The following CRYBG1 variants were observed in gnomAD, a reference collection of about 807,000 sequenced individuals.
CRYBG1 encodes crystallin beta-gamma domain containing 1.
Under a neutral mutation model 189.2 loss-of-function variants are expected in CRYBG1, and 139 were observed. The ratio of observed to expected loss-of-function variants is 0.73; its 90% CI spans 0.64 to 0.85. The LOEUF (loss-of-function observed/expected upper bound fraction) is 0.85, where lower values mean the gene tolerates loss of function less well. Among genes scored for constraint, CRYBG1 ranks in the 40% least tolerant of loss-of-function variants. The pLI is 0.00. For missense variants in CRYBG1, 2,611 were observed against 2,675.8 expected (o/e 0.98, Z 0.53); for synonymous variants, 1,023 against 1,017.1 (o/e 1.01, Z -0.11).
chr6:106,460,540 T>G (rs375692825), intron 2 of CRYBG1, among the ~76,000 whole-genome samples: 23 of 151,950 alleles, frequency 1.5e-4, no homozygotes, highest in African/African-American at 5.3e-4. Flanking sequence ...ATTTGTTGTG[T>G]GTTTATGGGG....
intron 9 of CRYBG1, among the ~76,000 whole-genome samples, chr6:106,540,788 C>CT (rs992653633): frequency 5.3e-5 from 8 of 150,876 alleles, no homozygotes; most frequent in African/African-American, 1.7e-4. Flanking sequence ...CTTGGTGGTA[C>CT]TTTTTTTTAA....
intron 10 of CRYBG1, among the ~76,000 whole-genome samples, chr6:106,542,997 T>C (rs1358422786): frequency 6.9e-6 from 1 of 145,694 alleles, no homozygotes; most frequent in Non-Finnish European, 1.5e-5. Flanking sequence ...TATTTTATTT[T>C]ATTTTATTTA....
In CRYBG1 at chr6:106,521,159, A is replaced by G. The variant is rs554973603; in HGVS notation, c.3951A>G (p.Ser1317=). 6.2e-7 allele frequency: 1 copy of G among 1,614,216 alleles called. No individual in the cohort carries two copies. Among genetic ancestry groups the G allele is most frequent in the South Asian group, 1.1e-5 (1 of 91,080 alleles). Residue 1317 remains serine, a synonymous_variant, in exon 4 of 22, where the codon TCA becomes TCG. Transcript: ENST00000633556. ...NSLKVFNFNS[S]STSHSSLKSP... ...TAAAGGTCTTCAATTTCAACTCGTC[A>G]AGTACATCACACTCCAGTTTGAAAA...
intron 2 of CRYBG1, among the ~76,000 whole-genome samples, chr6:106,502,602 G>A (rs566223615): frequency 3.4e-4 from 52 of 152,250 alleles, no homozygotes; most frequent in Non-Finnish European, 5.3e-4. Flanking sequence ...TAATTCAGCC[G>A]GATAGCTTTG....
chr6:106,552,496 G>A (rs1037944513), intron 15 of CRYBG1, among the ~76,000 whole-genome samples: 28 of 143,720 alleles, frequency 1.9e-4, no homozygotes, highest in African/African-American at 7.1e-4. Flanking sequence ...TGAGGCAGGA[G>A]AATTGCTTGA....
At chr6:106,565,236 G>A (rs1290316497) in intron 21 of CRYBG1, among the ~76,000 whole-genome samples, 5 of 151,950 alleles carry the variant, frequency 3.3e-5, no homozygotes, top group African/African-American at 1.2e-4. Context: ...CAGGAGAATC[G>A]CGTCAACCCG....
chr6:106,560,934 C>T lies in CRYBG1; in HGVS notation c.5979+8C>T. Reference sequence around the variant, plus strand: ...CTACGACCTTTTGTTCAGGTATTTTCTTCCTCTCCATGCTCTGCATAGACT... The same window carrying T: ...CTACGACCTTTTGTTCAGGTATTTTTTTCCTCTCCATGCTCTGCATAGACT... On this transcript the variant is annotated splice_region_variant and intron_variant, in intron 19 of 21. Transcript: ENST00000633556. 6.3e-7 allele frequency: 1 copy of T among 1,596,808 alleles called. No individual in the cohort carries two copies. Among genetic ancestry groups the T allele is most frequent in the Non-Finnish European group, 8.5e-7 (1 of 1,171,854 alleles).
At position 106,521,402 on chromosome 6, in the gene CRYBG1, C is replaced by T. The variant is rs1158938027; in HGVS notation, c.4194C>T (p.Ser1398=). Residue 1398 remains serine, a synonymous_variant, in exon 4 of 22, where the codon AGC becomes AGT. Coordinates refer to ENST00000633556, the MANE Select transcript of CRYBG1 (RefSeq NM_001371242.2). ...ACTTCATGGGTCTTTTCAAATCAAG[C>T]CGGTATGACCCAAGCATTTCTTTTT... is the stretch of plus-strand genomic sequence containing the variant. ...DTDFMGLFKS[S]RYDPSISFSG... The T allele has an allele frequency of 6.2e-7, 1 of 1,605,704 alleles. No homozygotes were observed. Among genetic ancestry groups the T allele is most frequent in the East Asian group, 2.2e-5 (1 of 44,850 alleles).
chr6:106,475,197 A>G (rs1271732836), intron 2 of CRYBG1, among the ~76,000 whole-genome samples: 1 of 152,154 alleles, frequency 6.6e-6, no homozygotes. Context: ...ATGGGGGAGG[A>G]GAGGGATAAC....
At position 106,528,949 on chromosome 6, in the gene CRYBG1, C is replaced by CT. The variant is rs1433656973; in HGVS notation, c.4579-1213dup. 2.1e-3 allele frequency among the ~76,000 whole-genome samples: 290 copies of CT among 141,196 alleles called. 2 individuals are homozygous for CT. Among genetic ancestry groups the CT allele is most frequent in the South Asian group, 0.017 (74 of 4,474 alleles). 92.6% of individuals were successfully genotyped at this position (141,196 alleles called of 152,430 possible). On this transcript the variant is annotated intron_variant, in intron 7 of 21. Transcript: ENST00000633556. ...TGTGCATTTAATAATTTATAATTTT[C>CT]TTTTTTTTTTTTTTGAGACAGTCTT...
intron 1 of CRYBG1, among the ~76,000 whole-genome samples, chr6:106,416,864 G>A (rs892636419): frequency 1.6e-4 from 24 of 151,946 alleles, no homozygotes; most frequent in Non-Finnish European, 3.2e-4. Flanking sequence ...TATGGGAAGG[G>A]TCACTGAAAA....
Position 106,527,337 on chromosome 6 carries a change from G to A in CRYBG1, c.4445G>A (p.Gly1482Glu). Residue 1482 changes from glycine to glutamate, a missense_variant, in exon 7 of 22, where the codon GGG becomes GAG. Around this residue, in one of 3 missense-constraint regions of CRYBG1, gnomAD observed 1,622 missense variants for 1,735.0 expected, o/e 0.93. Transcript: ENST00000633556. The part of the protein sequence containing the change: ...WILYEQPNFE[G>E]HSIPLEEGEL... The stretch of plus-strand genomic sequence containing the variant: ...TTGTATGAGCAACCAAATTTTGAAG[G>A]GCACTCCATCCCCTTAGAAGAAGGA... 1 of 1,611,546 alleles carries A rather than the reference G, an allele frequency of 6.2e-7. No homozygotes were observed. Among genetic ancestry groups the A allele is most frequent in the Non-Finnish European group, 8.5e-7 (1 of 1,178,836 alleles).
At chr6:106,481,480 T>C (rs1253009878) in intron 2 of CRYBG1, among the ~76,000 whole-genome samples, 2 of 152,160 alleles carry the variant, frequency 1.3e-5, no homozygotes, top group African/African-American at 4.8e-5. Context: ...TTCCTTTCCC[T>C]AATCTCATCT....
chr6:106,469,649 C>T (rs1042289960), intron 2 of CRYBG1, among the ~76,000 whole-genome samples: 1 of 152,120 alleles, frequency 6.6e-6, no homozygotes, highest in Non-Finnish European at 1.5e-5. Flanking sequence ...AACATTGCTT[C>T]TCTTTTCTAC....
chr6:106,551,430 T>A (rs1206755101), intron 13 of CRYBG1, among the ~76,000 whole-genome samples: 1 of 152,182 alleles, frequency 6.6e-6, no homozygotes, highest in Non-Finnish European at 1.5e-5. Context: ...AATGAACACC[T>A]AGGTTGATTC....
rs1305418882 is a variant in CRYBG1 at position 106,568,743 on chromosome 6, T to G, written c.*177T>G. The G allele has an allele frequency of 2.2e-5, 12 of 535,260 alleles. No homozygotes were observed. Among genetic ancestry groups the G allele is most frequent in the Middle Eastern group, 3.2e-4 (1 of 3,146 alleles). 33.2% of individuals were successfully genotyped at this position (535,260 alleles called of 1,614,324 possible). The stretch of plus-strand genomic sequence containing the variant: ...GAACTTACTCATCGTTTCAAAAGAC[T>G]ATCATAGCTTTAAACCAATAATTTG... On this transcript the variant is annotated 3_prime_UTR_variant, in exon 22 of 22. Transcript: ENST00000633556.
chr6:106,510,834 G>T (rs753924404), intron 2 of CRYBG1, among the ~76,000 whole-genome samples: 2 of 152,238 alleles, frequency 1.3e-5, no homozygotes, highest in Non-Finnish European at 2.9e-5. Context: ...TTGGAGCTCC[G>T]GCTAAGGCGG....
intron 1 of CRYBG1, among the ~76,000 whole-genome samples, chr6:106,367,208 G>A (rs1212485593): frequency 1.3e-5 from 2 of 152,176 alleles, no homozygotes; most frequent in Admixed American, 1.3e-4. Context: ...CCATAATCAA[G>A]TGGCAGTGAC....
chr6:106,366,049 A>T (rs746616125), intron 1 of CRYBG1, among the ~76,000 whole-genome samples: 13 of 152,200 alleles, frequency 8.5e-5, no homozygotes, highest in Admixed American at 2.6e-4. Context: ...AACTATTGTT[A>T]TCTGGAGCGT....
Sources: gnomAD v4.1 joint callset for allele counts (sites outside exome capture counted in the v4.1 genomes callset) on GRCh38, gnomAD v4.1.1 for gene constraint, gnomAD v4.1.1 regional missense constraint, MANE v1.5 for transcripts, NCBI Gene and HGNC (gene_info 2026-07-23, HGNC 2026-07-21) for gene names.